Variants in NBAS observed in about 807,000 individuals in gnomAD.
The protein encoded by NBAS is NBAS subunit of NRZ tethering complex.
Under a neutral mutation model 302.5 loss-of-function variants are expected in NBAS, and 219 were observed. That is an observed-to-expected ratio of 0.72 (90% confidence interval 0.65 to 0.81). The LOEUF is 0.81. Ranked by LOEUF, NBAS falls within the 30% of genes least tolerant of loss-of-function variation. The probability of loss-of-function intolerance (pLI) is 0.00; values close to 1 mark genes in which losing one functional copy is unlikely to be tolerated. For synonymous variants in NBAS, 1,118 were observed against 1,021.6 expected (o/e 1.09, Z -1.80); for missense variants, 2,932 against 2,841.6 (o/e 1.03, Z -0.72).
the NBAS span, among the ~76,000 whole-genome samples, chr2:14,921,270 T>A: frequency 6.6e-6 from 1 of 152,146 alleles, no homozygotes; most frequent in Non-Finnish European, 1.5e-5. Context: ...CCATCTTATA[T>A]GAGTGTGGTT....
At chr2:14,826,850 C>G in the NBAS span, among the ~76,000 whole-genome samples, 1 of 152,190 alleles carries the variant, frequency 6.6e-6, no homozygotes, top group East Asian at 1.9e-4. Context: ...GGTCCAGCCC[C>G]TGCCTCTGAC....
the NBAS span, among the ~76,000 whole-genome samples, chr2:14,827,969 AT>A: frequency 4.6e-5 from 7 of 152,176 alleles, no homozygotes; most frequent in Non-Finnish European, 8.8e-5. Context: ...ACACTTTGAA[AT>A]TTTTTTAAAA....
intron 30 of NBAS, among the ~76,000 whole-genome samples, chr2:15,377,666 T>C (rs13001585): frequency 0.62 from 93,838 of 151,392 alleles, 29,811 homozygotes; most frequent in Non-Finnish European, 0.68. Flanking sequence ...TGCTGCTTCT[T>C]GGACAATGAA....
intron 40 of NBAS, among the ~76,000 whole-genome samples, chr2:15,298,884 A>T (rs980971156): frequency 1.3e-5 from 2 of 152,182 alleles, no homozygotes; most frequent in African/African-American, 4.8e-5. Flanking sequence ...TAGTTGAAGC[A>T]TCCGGAGCTG....
the NBAS span, among the ~76,000 whole-genome samples, chr2:14,834,220 C>T: frequency 6.6e-6 from 1 of 152,176 alleles, no homozygotes; most frequent in African/African-American, 2.4e-5. Context: ...AATAGCCTAA[C>T]TGCAGACACA....
intron 44 of NBAS, among the ~76,000 whole-genome samples, chr2:15,247,652 C>G (rs1668154560): frequency 6.6e-6 from 1 of 151,214 alleles, no homozygotes; most frequent in African/African-American, 2.4e-5. Flanking sequence ...ATCAATGCAC[C>G]AAGAAGAGCT....
chr2:15,304,329 A>G (rs1160694638), intron 40 of NBAS, among the ~76,000 whole-genome samples: 2 of 152,178 alleles, frequency 1.3e-5, no homozygotes, highest in East Asian at 3.8e-4. Context: ...CATGATTGAA[A>G]GTTTCCTGAG....
At chr2:15,329,615 G>C (rs10205434) in intron 36 of NBAS, among the ~76,000 whole-genome samples, 1,695 of 152,270 alleles carry the variant, frequency 0.011, 32 homozygotes, top group African/African-American at 0.039. Context: ...GGCTCTCAAT[G>C]ATGGGCCTCC....
At chr2:15,027,565 T>C in the NBAS span, among the ~76,000 whole-genome samples, 1 of 152,108 alleles carries the variant, frequency 6.6e-6, no homozygotes, top group Non-Finnish European at 1.5e-5. Flanking sequence ...GTAAAATCTA[T>C]TATAAGCTAA....
At chr2:15,268,210 G>A (rs547203545) in intron 44 of NBAS, among the ~76,000 whole-genome samples, 3 of 152,338 alleles carry the variant, frequency 2.0e-5, no homozygotes, top group Admixed American at 2.0e-4. Context: ...TTTCTGAGGA[G>A]AGAAGGAGTG....
intron 11 of NBAS, among the ~76,000 whole-genome samples, chr2:15,502,115 C>G (rs1476157693): frequency 6.6e-6 from 1 of 152,132 alleles, no homozygotes; most frequent in Non-Finnish European, 1.5e-5. Flanking sequence ...AAAACAAGCA[C>G]TGGATCACAA....
chr2:15,357,879 T>C (rs1205033214), intron 32 of NBAS, among the ~76,000 whole-genome samples: 4 of 152,182 alleles, frequency 2.6e-5, no homozygotes, highest in Non-Finnish European at 5.9e-5. Flanking sequence ...ACCACTATCT[T>C]GCTGGCAATA....
At chr2:15,250,883 T>C (rs1668333913) in intron 44 of NBAS, among the ~76,000 whole-genome samples, 1 of 152,164 alleles carries the variant, frequency 6.6e-6, no homozygotes, top group Admixed American at 6.5e-5. Context: ...AGTTCGACCA[T>C]GTGGAAAACA....
the NBAS span, among the ~76,000 whole-genome samples, chr2:15,095,025 T>A: frequency 2.6e-5 from 4 of 152,318 alleles, no homozygotes; most frequent in East Asian, 3.9e-4. Flanking sequence ...TAGTAAAATA[T>A]AATCTTCTCT....
At chr2:15,378,197 A>G (rs988760588) in intron 30 of NBAS, among the ~76,000 whole-genome samples, 1 of 152,234 alleles carries the variant, frequency 6.6e-6, no homozygotes, top group Non-Finnish European at 1.5e-5. Flanking sequence ...TGAGGCGGAA[A>G]AAATAAATTA....
At chr2:15,457,433 CAA>C (rs1191542565) in intron 21 of NBAS, among the ~76,000 whole-genome samples, 3 of 152,144 alleles carry the variant, frequency 2.0e-5, no homozygotes, top group Admixed American at 1.3e-4. Flanking sequence ...GAGGGGATGT[CAA>C]GGTCATTTTG....
the NBAS span, among the ~76,000 whole-genome samples, chr2:14,866,357 C>T: frequency 5.3e-5 from 8 of 152,126 alleles, no homozygotes; most frequent in Admixed American, 5.2e-4. Context: ...TTTTTTCTCT[C>T]CAGCTGTCAG....
the NBAS span, among the ~76,000 whole-genome samples, chr2:15,131,895 C>A: frequency 6.6e-6 from 1 of 152,084 alleles, no homozygotes; most frequent in Non-Finnish European, 1.5e-5. Flanking sequence ...GGGGTGGTGC[C>A]ACACACTTTT....
At chr2:15,178,760 G>A (rs905365055) in intron 51 of NBAS, among the ~76,000 whole-genome samples, 17 of 152,060 alleles carry the variant, frequency 1.1e-4, no homozygotes, top group African/African-American at 4.1e-4. Flanking sequence ...TTTGTATTCT[G>A]AGCACCAAAA....
Sources: gnomAD v4.1 joint callset for allele counts (sites outside exome capture counted in the v4.1 genomes callset) on GRCh38, gnomAD v4.1.1 for gene constraint, MANE v1.5 for transcripts, NCBI Gene and HGNC (gene_info 2026-07-23, HGNC 2026-07-21) for gene names.